TPTE2: variants seen among roughly 807,000 people sequenced by gnomAD.
The protein encoded by TPTE2 is phosphatidylinositol 3,4,5-trisphosphate 3-phosphatase TPTE2.
Under a neutral mutation model 78.6 loss-of-function variants are expected in TPTE2, and 53 were observed. That is an observed-to-expected ratio of 0.67 (90% CI 0.54 to 0.85). The LOEUF is 0.85. Ranked by LOEUF, TPTE2 falls within the 40% of genes least tolerant of loss-of-function variation. TPTE2 has a pLI of 0.00. For synonymous variants in TPTE2, 175 were observed against 206.2 expected, an observed-to-expected ratio of 0.85 and a Z score of 1.30; for missense variants, 461 against 623.0, an observed-to-expected ratio of 0.74 and a Z score of 2.77.
intron 7 of TPTE2, 46 bp from the exon 11 acceptor site, chr13:19,465,610 T>G (rs1879223672): frequency 6.8e-7 from 1 of 1,468,310 alleles, no homozygotes; most frequent in East Asian, 2.3e-5. Context: ...GAAACAGAAT[T>G]TTATCAATAT....
chr13:19,438,046 C>A, intron 14 of TPTE2, 46 bp downstream of exon 17: 5 of 1,590,878 alleles, frequency 3.1e-6, no homozygotes, highest in Non-Finnish European at 4.3e-6. Flanking sequence ...TCAGAACTAG[C>A]AAACTCAATC....
At chr13:19,488,341 T>G (rs1457456620) in intron 3 of TPTE2, among the ~76,000 whole-genome samples, 1 of 152,256 alleles carries the variant, frequency 6.6e-6, no homozygotes, top group Admixed American at 6.5e-5. Context: ...AGAATTGGCC[T>G]CTGCTTTGAA....
chr13:19,462,720 T>C (rs1308145321), intron 10 of TPTE2, among the ~76,000 whole-genome samples: 2 of 151,886 alleles, frequency 1.3e-5, no homozygotes, highest in Non-Finnish European at 2.9e-5. Flanking sequence ...TTTTTTTCTA[T>C]TGTTTGTAGA....
chr13:19,425,607 A>G lies in TPTE2; in HGVS notation c.1396-590T>C, dbSNP rs182152791. ...CATACTCCGCAGGGACCATGTGGAT[A>G]TATCAGTGACCACCTCTCAGTCACA... is the stretch of plus-strand genomic sequence containing the variant. On this transcript the variant is annotated intron_variant, in intron 18 of 19. Coordinates refer to ENST00000400230, the Ensembl canonical transcript of TPTE2. The G allele has an allele frequency of 4.2e-3, 1,618 of 387,932 alleles. 14 individuals are homozygous for G. Among genetic ancestry groups the G allele is most frequent in the African/African-American group, 0.028 (1,373 of 48,276 alleles). The allele number at this position is 387,932 out of a possible 1,614,324, so 24.0% of individuals were successfully genotyped here.
chr13:19,503,787 C>A (rs1868789791), upstream of TPTE2, among the ~76,000 whole-genome samples: 1 of 152,146 alleles, frequency 6.6e-6, no homozygotes. Context: ...AAAAACATTT[C>A]TAGGGTTGTT....
chr13:19,520,521 A>C (rs538044536), intron 1 of TPTE2, among the ~76,000 whole-genome samples: 68 of 151,816 alleles, frequency 4.5e-4, no homozygotes, highest in African/African-American at 1.6e-3. Context: ...CAGGCTAGCT[A>C]AGCTATCAAT....
intron 1 of TPTE2, among the ~76,000 whole-genome samples, chr13:19,523,335 T>G (rs1207181563): frequency 1.3e-5 from 2 of 152,210 alleles, no homozygotes; most frequent in East Asian, 3.8e-4. Context: ...CTCCCAAGAT[T>G]GCAGCAAGCC....
chr13:19,516,489 G>A (rs1593413810), intron 1 of TPTE2, among the ~76,000 whole-genome samples: 2 of 152,182 alleles, frequency 1.3e-5, no homozygotes, highest in African/African-American at 2.4e-5. Context: ...AGGGTGGGCT[G>A]TCTCCAAAAC....
intron 1 of TPTE2, among the ~76,000 whole-genome samples, chr13:19,495,781 G>A (rs947642205): frequency 1.3e-5 from 2 of 152,188 alleles, no homozygotes; most frequent in African/African-American, 4.8e-5. Flanking sequence ...TACATAGTAA[G>A]ACAACATGTA....
At position 19,461,188 on chromosome 13, in the gene TPTE2, G is replaced by A. The variant is rs553910301; in HGVS notation, c.741+3268C>T. Reference sequence around the variant, plus strand: ...CTGCCGTCACGTGAACAGGCCTGAAGTAGCCTACTGGAGAATGAGAGACCA... The same window carrying A: ...CTGCCGTCACGTGAACAGGCCTGAAATAGCCTACTGGAGAATGAGAGACCA... On this transcript the variant is annotated intron_variant, in intron 10 of 19. Transcript: ENST00000400230. Among the ~76,000 whole-genome samples, 13 of 152,232 alleles carry A rather than the reference G, an allele frequency of 8.5e-5. No homozygotes were observed. In the East Asian group the frequency reaches 2.5e-3, roughly 29 times the overall value.
At chr13:19,499,075 G>A (rs1401138999) in intron 1 of TPTE2, among the ~76,000 whole-genome samples, 8 of 151,976 alleles carry the variant, frequency 5.3e-5, no homozygotes, top group Non-Finnish European at 1.0e-4. Flanking sequence ...ATGGTAAAGG[G>A]ATCAATTCAA....
rs553796174 is a variant in TPTE2, at chr13:19,436,815, T to C, written c.1036-509A>G. Among the ~76,000 whole-genome samples, 331 of 152,224 alleles carry C rather than the reference T, an allele frequency of 2.2e-3. 1 individual carries two copies. Among genetic ancestry groups the C allele is most frequent in the Non-Finnish European group, 3.8e-3 (259 of 68,014 alleles). On this transcript the variant is annotated intron_variant, in intron 14 of 19. Transcript: ENST00000400230. ...TAAAATTTTAGAGCTGGAAACACCA[T>C]AGAAAGCATCTGGTCCAACCCTTCT...
intron 13 of TPTE2, among the ~76,000 whole-genome samples, chr13:19,445,336 T>C (rs1877755924): frequency 1.3e-5 from 2 of 152,176 alleles, no homozygotes; most frequent in Non-Finnish European, 2.9e-5. Flanking sequence ...AAATACTTAA[T>C]AATCTTAAAA....
chr13:19,494,581 G>A (rs1363929728), intron 1 of TPTE2, among the ~76,000 whole-genome samples: 1 of 152,096 alleles, frequency 6.6e-6, no homozygotes, highest in Admixed American at 6.5e-5. Flanking sequence ...GCTAGTTCTT[G>A]TAGTTTTAGT....
intron 1 of TPTE2, among the ~76,000 whole-genome samples, chr13:19,530,570 GGTCTCACTCT>G (rs1870807105): frequency 6.6e-6 from 1 of 151,946 alleles, no homozygotes; most frequent in Admixed American, 6.5e-5. Flanking sequence ...TTTGAGGCAG[GGTCTCACTCT>G]GTTGTCCAGG....
the TPTE2 span, among the ~76,000 whole-genome samples, chr13:19,558,147 TAACC>T: frequency 6.6e-6 from 1 of 152,230 alleles, no homozygotes; most frequent in Non-Finnish European, 1.5e-5. Context: ...AGCTACAATA[TAACC>T]AACCAAGTGA....
At position 19,493,509 on chromosome 13, in the gene TPTE2, A is replaced by T; in HGVS notation, c.12-8T>A. ...AATTCGTTTGTCTGTGGACTAGCGG[A>T]TGATAAGAGAATACAGTCAGAGAGG... On this transcript the variant is annotated splice_region_variant and splice_polypyrimidine_tract_variant and intron_variant, in intron 1 of 19. Coordinates refer to ENST00000400230, the Ensembl canonical transcript of TPTE2. 4 of 1,613,330 alleles carry T rather than the reference A, an allele frequency of 2.5e-6. No individual in the cohort carries two copies. The highest frequency in any genetic ancestry group is 3.4e-6 in the Non-Finnish European group (4 of 1,179,616).
At chr13:19,519,535 C>A (rs555942146) in intron 1 of TPTE2, among the ~76,000 whole-genome samples, 2 of 152,240 alleles carry the variant, frequency 1.3e-5, no homozygotes, top group South Asian at 4.1e-4. Context: ...GCTGAAGAGA[C>A]TGTTTTTTCC....
chr13:19,512,079 C>A (rs1406007795), intron 1 of TPTE2, among the ~76,000 whole-genome samples: 1 of 152,164 alleles, frequency 6.6e-6, no homozygotes, highest in Non-Finnish European at 1.5e-5. Flanking sequence ...TACCTCTCAA[C>A]CACAATAGAG....
Sources: gnomAD v4.1 joint callset for allele counts (sites outside exome capture counted in the v4.1 genomes callset) on GRCh38, gnomAD v4.1.1 for gene constraint, MANE v1.5 for transcripts, NCBI Gene and HGNC (gene_info 2026-07-23, HGNC 2026-07-21) for gene names.